Variants in PTPN6 observed in about 807,000 individuals in gnomAD.
PTPN6 encodes the protein protein tyrosine phosphatase non-receptor type 6, also known as tyrosine-protein phosphatase non-receptor type 6.
A neutral mutation model predicts 81.5 loss-of-function variants in PTPN6; 18 were observed. The observed-to-expected ratio is 0.22, with a 90% CI of 0.15 to 0.33. The LOEUF is 0.33. Among genes scored for constraint, PTPN6 ranks in the 10% least tolerant of loss-of-function variants. The pLI is 1.00. For synonymous variants in PTPN6, 301 were observed against 310.9 expected (o/e 0.97, Z 0.33); for missense variants, 500 against 794.2 (o/e 0.63, Z 4.45).
rs782301747 is a variant in PTPN6, at chr12:6,957,725, C to T, written c.1146C>T (p.Cys382=). Residue 382 remains cysteine (C), a synonymous_variant, in exon 10 of 16, where the codon TGC becomes TGT. Coordinates refer to ENST00000318974, the MANE Select transcript of PTPN6 (RefSeq NM_002831.6). This position sits in a 1 kb window ranked among gnomAD's most constrained non-coding sequence, Gnocchi z 6.5. ...RAYGPYSVTN[C]GEHDTTEYKL... Reference sequence around the variant, plus strand: ...ATGGGCCCTACTCTGTGACCAACTGCGGGGAGCATGACACAACCGAATACA... The same window carrying T: ...ATGGGCCCTACTCTGTGACCAACTGTGGGGAGCATGACACAACCGAATACA... 3.9e-5 allele frequency: 63 copies of T among 1,613,920 alleles called. No individual in the cohort carries two copies. Among genetic ancestry groups the T allele is most frequent in the Middle Eastern group, 1.6e-4 (1 of 6,084 alleles).
At chr12:6,958,832 T>A (rs1245940379) in intron 11 of PTPN6, among the ~76,000 whole-genome samples, 2 of 152,200 alleles carry the variant, frequency 1.3e-5, no homozygotes, top group African/African-American at 4.8e-5. Context: ...ATTACTTAAC[T>A]TTTCTAACCC....
upstream of PTPN6, among the ~76,000 whole-genome samples, chr12:6,948,798 G>A (rs782473666): frequency 3.0e-4 from 46 of 151,734 alleles, no homozygotes; most frequent in Non-Finnish European, 5.7e-4. Flanking sequence ...AAAAAAATTA[G>A]GCTGGCACAG....
At position 6,959,934 on chromosome 12, in the gene PTPN6, A is replaced by G. The variant is rs782000132; in HGVS notation, c.1369A>G (p.Ile457Val). 1.2e-6 allele frequency: 2 copies of G among 1,609,952 alleles called. No homozygotes were observed. Among genetic ancestry groups the G allele is most frequent in the Non-Finnish European group, 8.5e-7 (1 of 1,179,544 alleles). Residue 457 changes from isoleucine (I) to valine (V), a missense_variant, in exon 12 of 16, where the codon ATC becomes GTC. Transcript: ENST00000318974. The surrounding 1 kb of genome is among the most constrained non-coding windows in gnomAD (Gnocchi z 6.6). ...GPIIVHCSAG[I>V]GRTGTIIVID... is the part of the protein sequence containing the mutation. ...ACCCCCGTCTTTCCCCAGCGCCGGC[A>G]TCGGCCGCACAGGCACCATCATTGT... is the stretch of plus-strand genomic sequence containing the variant.
Position 6,959,254 on chromosome 12 carries a change from ATT to A in PTPN6, c.1362-671_1362-670del, listed in dbSNP as rs1408981110. 2.5e-5 allele frequency: 4 copies of A among 158,362 alleles called. No homozygotes were observed. The highest frequency in any genetic ancestry group is 9.6e-5 in the African/African-American group (4 of 41,482). The allele number at this position is 158,362 out of a possible 1,614,324, so 9.8% of individuals were successfully genotyped here. ...ACTTCTTGAAAGCCCCATGGCCTTT[ATT>A]TAGACGTTACAGGAAGGAAGTGGGT... On this transcript the variant is annotated intron_variant, in intron 11 of 15. Transcript: ENST00000318974. This position sits in a 1 kb window ranked among gnomAD's most constrained non-coding sequence, Gnocchi z 6.6.
chr12:6,952,326 C>T lies in PTPN6; in HGVS notation c.326+149C>T, dbSNP rs983938256. ...CCAGCTGGGGCTCTCAATGTCCCTC[C>T]TCCCTGCTGTCCTGGGACCTGGTGT... On this transcript the variant is annotated intron_variant, in intron 3 of 15. Transcript: ENST00000318974. This position sits in a 1 kb window ranked among gnomAD's most constrained non-coding sequence, Gnocchi z 8.1. The T allele has an allele frequency of 1.0e-5, 9 of 893,628 alleles. No individual in the cohort carries two copies. Among genetic ancestry groups the T allele is most frequent in the African/African-American group, 1.6e-5 (1 of 60,684 alleles). The allele number at this position is 893,628 out of a possible 1,614,324, so 55.4% of individuals were successfully genotyped here.
At position 6,960,691 on chromosome 12, in the gene PTPN6, G is replaced by A. The variant is rs1555149749; in HGVS notation, c.1674-115G>A. ...CTTGGAGTCTAGTGCAGGGACCGTG[G>A]CTGCGTCACCTGTGAGACGGGGTGG... On this transcript the variant is annotated intron_variant, in intron 14 of 15. Coordinates refer to ENST00000318974, the MANE Select transcript of PTPN6 (RefSeq NM_002831.6). This position sits in a 1 kb window ranked among gnomAD's most constrained non-coding sequence, Gnocchi z 6.1. The A allele has an allele frequency of 1.3e-6, 2 of 1,551,538 alleles. No individual in the cohort carries two copies. The highest frequency in any genetic ancestry group is 2.7e-5 in the African/African-American group (2 of 73,158).
chr12:6,951,230 ACCC>A, upstream of PTPN6: 1 of 1,422,842 alleles, frequency 7.0e-7, no homozygotes, highest in East Asian at 2.6e-5. This position sits in a 1 kb window ranked among gnomAD's most constrained non-coding sequence, Gnocchi z 7.2. Flanking sequence ...CCCCGTCCCC[ACCC>A]CCAGTGCCAC....
In PTPN6 at chr12:6,960,631, C is replaced by T. The variant is rs1946121331; in HGVS notation, c.1674-175C>T. 2 of 1,530,144 alleles carry T rather than the reference C, an allele frequency of 1.3e-6. No homozygotes were observed. Among genetic ancestry groups the T allele is most frequent in the African/African-American group, 2.8e-5 (2 of 72,514 alleles). The allele number at this position is 1,530,144 out of a possible 1,614,324, so 94.8% of individuals were successfully genotyped here. A position where few individuals can be genotyped will look rare whatever the true frequency, so the allele number is the denominator to read the frequency against. On this transcript the variant is annotated intron_variant, in intron 14 of 15. Transcript: ENST00000318974. This position sits in a 1 kb window ranked among gnomAD's most constrained non-coding sequence, Gnocchi z 6.1. ...GCCTCTGCTAGGTACCAGCAGCGCA[C>T]TCGTGTATGAGATGTAGCCTCTGTC...
rs1316454396 is a variant in PTPN6 at position 6,957,425 on chromosome 12, G to A, written c.1075-229G>A. ...CGGGGACAATGCCTGCCCTGGCAACGTTTGTTGAATGACAAACGGATGTAC... is the reference window on the plus strand; with the variant it reads ...CGGGGACAATGCCTGCCCTGGCAACATTTGTTGAATGACAAACGGATGTAC... On this transcript the variant is annotated intron_variant, in intron 9 of 15. Coordinates refer to ENST00000318974, the MANE Select transcript of PTPN6 (RefSeq NM_002831.6). The surrounding 1 kb of genome is among the most constrained non-coding windows in gnomAD (Gnocchi z 6.5). Among the ~76,000 whole-genome samples, 2 of 152,234 alleles carry A rather than the reference G, an allele frequency of 1.3e-5. No homozygotes were observed. The highest frequency in any genetic ancestry group is 2.9e-5 in the Non-Finnish European group (2 of 68,048).
chr12:6,953,776 G>T (rs782532106), intron 3 of PTPN6, among the ~76,000 whole-genome samples: 3 of 152,220 alleles, frequency 2.0e-5, no homozygotes, highest in South Asian at 2.1e-4. Flanking sequence ...GTCCCCAGGC[G>T]GTGGGCTGAA....
At position 6,959,645 on chromosome 12, in the gene PTPN6, G is replaced by C. The variant is rs914007616; in HGVS notation, c.1362-282G>C. On this transcript the variant is annotated intron_variant, in intron 11 of 15. Coordinates refer to ENST00000318974, the MANE Select transcript of PTPN6 (RefSeq NM_002831.6). This position sits in a 1 kb window ranked among gnomAD's most constrained non-coding sequence, Gnocchi z 6.6. ...TCCCAGGTCTTCCGGGGTGGGGGCA[G>C]CCACTCACTAGGAGTGAGGAGTCGG... The C allele has an allele frequency of 2.5e-5, 14 of 569,162 alleles. No homozygotes were observed. In the Middle Eastern group the frequency reaches 2.3e-3, roughly 94 times the overall value. 35.3% of individuals were successfully genotyped at this position (569,162 alleles called of 1,614,324 possible). A position where few individuals can be genotyped will look rare whatever the true frequency, so the allele number is the denominator to read the frequency against.
rs1946043225 is a variant in PTPN6, at chr12:6,956,991, C to T, written c.1074+423C>T. Among the ~76,000 whole-genome samples the T allele has an allele frequency of 6.6e-6, 1 of 152,138 alleles. No homozygotes were observed. The highest frequency in any genetic ancestry group is 1.5e-5 in the Non-Finnish European group (1 of 68,034). ...CCTTTCTGAAATCTCTTCCATGGCT[C>T]CTGGTCACCTTTGGGATAAAGTCGC... On this transcript the variant is annotated intron_variant, in intron 9 of 15. Coordinates refer to ENST00000318974, the MANE Select transcript of PTPN6 (RefSeq NM_002831.6). This position sits in a 1 kb window ranked among gnomAD's most constrained non-coding sequence, Gnocchi z 4.1.
Position 6,954,799 on chromosome 12 carries a change from C to T in PTPN6, c.327-6C>T. ...GTCTTACCTTCCCTGACGCTGCCTT[C>T]TCTAGGTGGTACCATGGCCACATGT... is the stretch of plus-strand genomic sequence containing the variant. On this transcript the variant is annotated splice_polypyrimidine_tract_variant and splice_region_variant and intron_variant, in intron 3 of 15. Coordinates refer to ENST00000318974, the MANE Select transcript of PTPN6 (RefSeq NM_002831.6). The surrounding 1 kb of genome is among the most constrained non-coding windows in gnomAD (Gnocchi z 5.4). 1.2e-6 allele frequency: 2 copies of T among 1,613,522 alleles called. No individual in the cohort carries two copies. Among genetic ancestry groups the T allele is most frequent in the East Asian group, 4.5e-5 (2 of 44,888 alleles).
Position 6,960,212 on chromosome 12 carries a change from C to G in PTPN6, c.1554C>G (p.Thr518=). ...TGGCCATCGCCCAGTTCATTGAAAC[C>G]ACTAAGAAGAAGCTGGAGGTCCTGC... ...IYVAIAQFIE[T]TKKKLEVLQS... The change falls in exon 13 of 16, where the codon ACC becomes ACG. Residue 518 remains threonine, a synonymous_variant. Transcript: ENST00000318974. This position sits in a 1 kb window ranked among gnomAD's most constrained non-coding sequence, Gnocchi z 6.1. 6.2e-7 allele frequency: 1 copy of G among 1,611,678 alleles called. No individual in the cohort carries two copies. Among genetic ancestry groups the G allele is most frequent in the Non-Finnish European group, 8.5e-7 (1 of 1,179,858 alleles).
At position 6,956,643 on chromosome 12, in the gene PTPN6, C is replaced by A; in HGVS notation, c.1074+75C>A. 1 of 1,587,640 alleles carries A rather than the reference C, an allele frequency of 6.3e-7. No homozygotes were observed. The highest frequency in any genetic ancestry group is 8.6e-7 in the Non-Finnish European group (1 of 1,161,636). On this transcript the variant is annotated intron_variant, in intron 9 of 15. Transcript: ENST00000318974. This position sits in a 1 kb window ranked among gnomAD's most constrained non-coding sequence, Gnocchi z 4.1. ...CATTAAGTCGAAGAGCAGTCAGATGCCAGGGCAGAAAGGGATCTCAGGGGT... is the reference window on the plus strand; with the variant it reads ...CATTAAGTCGAAGAGCAGTCAGATGACAGGGCAGAAAGGGATCTCAGGGGT...
chr12:6,947,294 A>T (rs1288700730), upstream of PTPN6, among the ~76,000 whole-genome samples: 1 of 152,210 alleles, frequency 6.6e-6, no homozygotes, highest in Non-Finnish European at 1.5e-5. Flanking sequence ...CACGGAGCTT[A>T]CATTCCAGTG....
upstream of PTPN6, among the ~76,000 whole-genome samples, chr12:6,949,475 G>A (rs782359831): frequency 6.6e-6 from 1 of 152,334 alleles, no homozygotes; most frequent in Non-Finnish European, 1.5e-5. Flanking sequence ...GCGTCTGACA[G>A]CCGTGTTTTA....
chr12:6,955,810 C>A lies in PTPN6; in HGVS notation c.844+54C>A. On this transcript the variant is annotated intron_variant, in intron 7 of 15. Transcript: ENST00000318974. This position sits in a 1 kb window ranked among gnomAD's most constrained non-coding sequence, Gnocchi z 7.2. ...AGGATACCGCCCCTGCCCCAGCTGCCTCCCCTCATCTCACAGGTCTCCACC... is the reference window on the plus strand; with the variant it reads ...AGGATACCGCCCCTGCCCCAGCTGCATCCCCTCATCTCACAGGTCTCCACC... 1 of 1,508,624 alleles carries A rather than the reference C, an allele frequency of 6.6e-7. No homozygotes were observed. The highest frequency in any genetic ancestry group is 1.1e-5 in the South Asian group (1 of 88,748). 93.5% of individuals were successfully genotyped at this position (1,508,624 alleles called of 1,614,324 possible).
Position 6,960,071 on chromosome 12 carries a change from G to A in PTPN6, c.1430-17G>A. On this transcript the variant is annotated splice_polypyrimidine_tract_variant and intron_variant, in intron 12 of 15. Coordinates refer to ENST00000318974, the MANE Select transcript of PTPN6 (RefSeq NM_002831.6). This position sits in a 1 kb window ranked among gnomAD's most constrained non-coding sequence, Gnocchi z 6.1. ...CCGCCTATGCCTGGACCTGAGGTTT[G>A]ACTGCCCCCCACCCAGGCCTGGACT... The A allele has an allele frequency of 6.2e-7, 1 of 1,613,488 alleles. No homozygotes were observed. Among genetic ancestry groups the A allele is most frequent in the Non-Finnish European group, 8.5e-7 (1 of 1,179,998 alleles).
Sources: allele counts gnomAD v4.1 joint callset (sites outside exome capture counted in the v4.1 genomes callset), GRCh38; gene constraint gnomAD v4.1.1; non-coding constraint Gnocchi (gnomAD v3.1); transcripts MANE v1.5; gene names NCBI Gene and HGNC (gene_info 2026-07-23, HGNC 2026-07-21).